The following ATXN7L1 variants were observed in gnomAD, a reference collection of about 807,000 sequenced individuals.
ATXN7L1 encodes ataxin 7 like 1.
A neutral mutation model predicts 70.8 loss-of-function variants in ATXN7L1; 15 were observed. The ratio of observed to expected loss-of-function variants is 0.21; its 90% CI spans 0.14 to 0.33. The LOEUF is 0.33. Among genes scored for constraint, ATXN7L1 ranks in the 10% least tolerant of loss-of-function variants. ATXN7L1 has a pLI of 1.00. For missense variants in ATXN7L1, 975 were observed against 1,097.1 expected (o/e 0.89, Z 1.57); for synonymous variants, 440 against 445.1 (o/e 0.99, Z 0.14).
chr7:105,672,891 T>G (rs1803988279), intron 3 of ATXN7L1, among the ~76,000 whole-genome samples: 1 of 152,216 alleles, frequency 6.6e-6, no homozygotes, highest in African/African-American at 2.4e-5. Flanking sequence ...GGGGCCCCAG[T>G]ACCAAAGAAA....
chr7:105,702,816 C>T (rs1477402545), intron 3 of ATXN7L1, among the ~76,000 whole-genome samples: 1 of 151,724 alleles, frequency 6.6e-6, no homozygotes, highest in African/African-American at 2.4e-5. Flanking sequence ...CCCGTCTCTA[C>T]TAAAAATACA....
At chr7:105,669,644 C>T (rs968524375) in intron 3 of ATXN7L1, among the ~76,000 whole-genome samples, 3 of 152,044 alleles carry the variant, frequency 2.0e-5, no homozygotes, top group Admixed American at 1.3e-4. Context: ...ATTTAAAGGC[C>T]CAGCACGGTG....
intron 3 of ATXN7L1, among the ~76,000 whole-genome samples, chr7:105,740,784 T>TTTTTTTTTTTTTTTTTTTTTTTG (rs556048408): frequency 0.042 from 3,289 of 77,478 alleles, 904 homozygotes; most frequent in East Asian, 0.1. Context: ...TTTTTTTTTT[T>TTTTTTTTTTTTTTTTTTTTTTTG]AATGGAGTCT....
At chr7:105,651,814 C>T (rs1251954139) in intron 4 of ATXN7L1, among the ~76,000 whole-genome samples, 1 of 152,164 alleles carries the variant, frequency 6.6e-6, no homozygotes, top group Non-Finnish European at 1.5e-5. Context: ...CATGTTGTCT[C>T]CTGCAATCCT....
At chr7:105,797,763 C>G (rs769875988) in intron 2 of ATXN7L1, among the ~76,000 whole-genome samples, 1 of 152,252 alleles carries the variant, frequency 6.6e-6, no homozygotes, top group Non-Finnish European at 1.5e-5. Context: ...TCCCTCTCCC[C>G]TCCTGGTGCG....
chr7:105,696,820 A>C (rs945989483), intron 3 of ATXN7L1, among the ~76,000 whole-genome samples: 1 of 152,220 alleles, frequency 6.6e-6, no homozygotes, highest in Non-Finnish European at 1.5e-5. Flanking sequence ...CTGCCCCGAA[A>C]ATCACGTAGG....
At chr7:105,633,708 G>A (rs1796948022) in intron 7 of ATXN7L1, among the ~76,000 whole-genome samples, 2 of 152,152 alleles carry the variant, frequency 1.3e-5, no homozygotes, top group South Asian at 4.1e-4. Context: ...TGACAGGGGG[G>A]AGACTCTGTC....
intron 3 of ATXN7L1, among the ~76,000 whole-genome samples, chr7:105,711,379 C>T (rs1325246299): frequency 1.3e-5 from 2 of 152,248 alleles, no homozygotes; most frequent in East Asian, 3.8e-4. Flanking sequence ...CAAAAGTCCA[C>T]AGTCCAAAAG....
chr7:105,619,283 G>T, intron 9 of ATXN7L1, among the ~76,000 whole-genome samples: 1 of 147,408 alleles, frequency 6.8e-6, no homozygotes, highest in Non-Finnish European at 1.5e-5. Context: ...GAGTAGCTGG[G>T]ATTACAGGTG....
intron 3 of ATXN7L1, among the ~76,000 whole-genome samples, chr7:105,724,498 C>T (rs1795562853): frequency 6.9e-6 from 1 of 145,912 alleles, no homozygotes; most frequent in Non-Finnish European, 1.5e-5. Context: ...CACTTGAACC[C>T]AGGAAGCAGA....
intron 2 of ATXN7L1, among the ~76,000 whole-genome samples, chr7:105,857,178 T>C (rs1441789491): frequency 6.6e-6 from 1 of 152,140 alleles, no homozygotes; most frequent in African/African-American, 2.4e-5. Flanking sequence ...TCATTCATTC[T>C]TTCATTCATT....
At chr7:105,850,791 C>T (rs1373114436) in intron 2 of ATXN7L1, among the ~76,000 whole-genome samples, 2 of 152,178 alleles carry the variant, frequency 1.3e-5, no homozygotes, top group East Asian at 3.9e-4. Flanking sequence ...TTTCCCATCT[C>T]CCCAGACTCT....
intron 4 of ATXN7L1, among the ~76,000 whole-genome samples, chr7:105,662,027 T>TTTCTTTCC (rs1801711586): frequency 3.7e-4 from 18 of 48,836 alleles, no homozygotes; most frequent in Admixed American, 3.1e-3. Flanking sequence ...TCTTTCTTTC[T>TTTCTTTCC]TTCCTTCCTT....
intron 3 of ATXN7L1, among the ~76,000 whole-genome samples, chr7:105,786,122 C>T (rs974617858): frequency 1.3e-5 from 2 of 152,178 alleles, no homozygotes; most frequent in Non-Finnish European, 2.9e-5. Context: ...CTGAGGGAGG[C>T]CTTGGTGCCT....
intron 3 of ATXN7L1, among the ~76,000 whole-genome samples, chr7:105,709,470 A>G (rs1243358095): frequency 2.0e-5 from 3 of 152,150 alleles, no homozygotes; most frequent in Non-Finnish European, 4.4e-5. Flanking sequence ...GGAGGAGTAT[A>G]TATGCAGACC....
intron 3 of ATXN7L1, among the ~76,000 whole-genome samples, chr7:105,694,437 G>A (rs1791445953): frequency 6.6e-6 from 1 of 152,156 alleles, no homozygotes; most frequent in South Asian, 2.1e-4. Context: ...CACAGTTTAT[G>A]TCTCTTTCAT....
intron 4 of ATXN7L1, among the ~76,000 whole-genome samples, chr7:105,643,564 C>G (rs767814071): frequency 6.6e-6 from 1 of 152,246 alleles, no homozygotes; most frequent in Non-Finnish European, 1.5e-5. Flanking sequence ...CAGCCCGGCC[C>G]GGATCGGGCC....
At chr7:105,794,306 C>T (rs62482781) in intron 2 of ATXN7L1, among the ~76,000 whole-genome samples, 10,961 of 152,160 alleles carry the variant, frequency 0.072, 565 homozygotes, top group East Asian at 0.27. Flanking sequence ...TCATTAATGC[C>T]ATTATGCTGC....
intron 2 of ATXN7L1, among the ~76,000 whole-genome samples, chr7:105,861,875 G>A (rs1383647695): frequency 6.6e-6 from 1 of 152,222 alleles, no homozygotes; most frequent in Non-Finnish European, 1.5e-5. Context: ...CATTTGGAAA[G>A]CAAATAAGCC....
Sources: allele counts gnomAD v4.1 joint callset (sites outside exome capture counted in the v4.1 genomes callset), GRCh38; gene constraint gnomAD v4.1.1; transcripts MANE v1.5; gene names NCBI Gene and HGNC (gene_info 2026-07-23, HGNC 2026-07-21).